Variants in NME7 observed in about 807,000 individuals in gnomAD.
NME7 encodes the protein nucleoside diphosphate kinase 7.
Under a neutral mutation model 49.1 loss-of-function variants are expected in NME7, and 41 were observed. The ratio of observed to expected loss-of-function variants is 0.83; its 90% CI spans 0.65 to 1.08. The LOEUF is 1.08. NME7 is among the 50% of genes least tolerant of loss of function. The probability of loss-of-function intolerance (pLI) is 0.00; values close to 1 mark genes in which losing one functional copy is unlikely to be tolerated. For missense variants in NME7, 423 were observed against 463.4 expected (o/e 0.91, Z 0.80); for synonymous variants, 139 against 150.6 (o/e 0.92, Z 0.56).
intron 7 of NME7, among the ~76,000 whole-genome samples, chr1:169,244,044 T>C (rs557911560): frequency 6.6e-6 from 1 of 152,242 alleles, no homozygotes; most frequent in Admixed American, 6.5e-5. Flanking sequence ...TTTATGTATA[T>C]GCAAAAATAT....
chr1:169,251,541 T>G (rs1322632793), intron 7 of NME7, among the ~76,000 whole-genome samples: 1 of 134,778 alleles, frequency 7.4e-6, no homozygotes, highest in Non-Finnish European at 1.6e-5. Flanking sequence ...CTAGATACTC[T>G]GGTTTCTTTT....
At chr1:169,237,739 G>A (rs1571315555) in intron 7 of NME7, 52 bp from the exon 8 acceptor site, 1 of 1,470,308 alleles carries the variant, frequency 6.8e-7, no homozygotes, top group East Asian at 2.4e-5. Context: ...AGACATTTTA[G>A]TTTCTTAGAA....
intron 10 of NME7, among the ~76,000 whole-genome samples, chr1:169,190,185 T>C (rs1358210396): frequency 2.6e-5 from 4 of 151,970 alleles, no homozygotes; most frequent in African/African-American, 9.7e-5. Flanking sequence ...TGCAACATCC[T>C]CTTATATAAA....
intron 1 of NME7, among the ~76,000 whole-genome samples, chr1:169,332,084 A>G (rs546268476): frequency 2.6e-4 from 39 of 152,320 alleles, no homozygotes; most frequent in Non-Finnish European, 5.6e-4. Flanking sequence ...ACAGAGCTAT[A>G]GTAACCCAAA....
In NME7 at chr1:169,132,730, G is replaced by GTGAT; in HGVS notation, c.*51_*54dup. 4 of 1,509,678 alleles carry GTGAT rather than the reference G, an allele frequency of 2.6e-6. No homozygotes were observed. Among genetic ancestry groups the GTGAT allele is most frequent in the Middle Eastern group, 3.4e-4 (2 of 5,852 alleles). The allele number at this position is 1,509,678 out of a possible 1,614,324, so 93.5% of individuals were successfully genotyped here. The stretch of plus-strand genomic sequence containing the variant: ...AAAAGAATGAACACATTCCTCGTGT[G>GTGAT]TGATTCACTCTTGTCTAAATGTCCC... On this transcript the variant is annotated 3_prime_UTR_variant, in exon 12 of 12. Coordinates refer to ENST00000367811, the MANE Select transcript of NME7 (RefSeq NM_013330.5).
At chr1:169,287,231 T>C (rs748292354) in intron 7 of NME7, 72 bp downstream of exon 7, 1 of 1,223,846 alleles carries the variant, frequency 8.2e-7, no homozygotes, top group African/African-American at 1.5e-5. Flanking sequence ...TTTCTATACA[T>C]AAAGTACATC....
intron 5 of NME7, among the ~76,000 whole-genome samples, chr1:169,300,664 G>A (rs1650901534): frequency 6.6e-6 from 1 of 151,872 alleles, no homozygotes; most frequent in East Asian, 1.9e-4. Context: ...ATGTATACAA[G>A]ACTACCAAAA....
intron 5 of NME7, 25 bp downstream of exon 5, chr1:169,303,120 A>T: frequency 6.7e-7 from 1 of 1,495,472 alleles, no homozygotes; most frequent in Non-Finnish European, 9.2e-7. Context: ...TTTACATACC[A>T]CTAATCCCCA....
rs540603129 is a variant in NME7 at position 169,190,506 on chromosome 1, T to C, written c.991-20952A>G. 182 of 274,766 alleles carry C rather than the reference T, an allele frequency of 6.6e-4. 1 individual carries two copies. The highest frequency in any genetic ancestry group is 3.1e-3 in the East Asian group (24 of 7,814). The allele number at this position is 274,766 out of a possible 1,614,324, so 17.0% of individuals were successfully genotyped here. A position where few individuals can be genotyped will look rare whatever the true frequency, so the allele number is the denominator to read the frequency against. ...TTTAGTCTATTAGGTCTTGACTCTTTTCCATAATTTTTCTTCTTTTTTTTT... is the reference window on the plus strand; with the variant it reads ...TTTAGTCTATTAGGTCTTGACTCTTCTCCATAATTTTTCTTCTTTTTTTTT... On this transcript the variant is annotated intron_variant, in intron 10 of 11. Coordinates refer to ENST00000367811, the MANE Select transcript of NME7 (RefSeq NM_013330.5).
chr1:169,346,821 TGCTA>T (rs934423727), intron 1 of NME7, among the ~76,000 whole-genome samples: 11 of 152,332 alleles, frequency 7.2e-5, no homozygotes, highest in Middle Eastern at 6.8e-3. Flanking sequence ...AGCAGAACTC[TGCTA>T]GCTATCATCA....
intron 11 of NME7, among the ~76,000 whole-genome samples, chr1:169,142,717 T>C (rs1658632601): frequency 6.6e-6 from 1 of 152,166 alleles, no homozygotes; most frequent in African/African-American, 2.4e-5. Context: ...GGATTAGAAT[T>C]TGATTTCCTC....
chr1:169,278,928 T>C (rs1649872853), intron 7 of NME7, among the ~76,000 whole-genome samples: 1 of 152,200 alleles, frequency 6.6e-6, no homozygotes, highest in African/African-American at 2.4e-5. Context: ...TGCAGGTCTG[T>C]TGGAGTTTGC....
At chr1:169,317,187 G>T (rs35271076) in intron 3 of NME7, among the ~76,000 whole-genome samples, 36,670 of 151,920 alleles carry the variant, frequency 0.24, 5,456 homozygotes, top group Non-Finnish European at 0.34. Flanking sequence ...GTATAAAAGA[G>T]ATGGCAAAAA....
At chr1:169,240,266 T>C (rs12059281) in intron 7 of NME7, among the ~76,000 whole-genome samples, 57,139 of 151,520 alleles carry the variant, frequency 0.38, 11,478 homozygotes, top group East Asian at 0.79. Flanking sequence ...AGCCAAAAGG[T>C]CAGGAAGAGA....
intron 8 of NME7, among the ~76,000 whole-genome samples, chr1:169,236,955 T>G (rs538511296): frequency 1.3e-5 from 2 of 152,256 alleles, no homozygotes; most frequent in South Asian, 4.1e-4. Context: ...ATTGTTTATC[T>G]GATTTATATA....
At chr1:169,172,486 T>TCATC (rs1181936825) in intron 10 of NME7, among the ~76,000 whole-genome samples, 26 of 152,162 alleles carry the variant, frequency 1.7e-4, no homozygotes, top group African/African-American at 6.3e-4. Context: ...GATGGGCACA[T>TCATC]ATGGTCTTCT....
intron 11 of NME7, among the ~76,000 whole-genome samples, chr1:169,158,671 G>A (rs377032246): frequency 5.3e-5 from 8 of 152,216 alleles, no homozygotes; most frequent in Admixed American, 1.3e-4. Context: ...GCACTAGGAC[G>A]GTAGTTCTCA....
At chr1:169,345,842 T>G (rs977353595) in intron 1 of NME7, among the ~76,000 whole-genome samples, 2 of 152,166 alleles carry the variant, frequency 1.3e-5, no homozygotes, top group African/African-American at 4.8e-5. Flanking sequence ...AAGCCCCAAG[T>G]TGAAATCCTG....
intron 3 of NME7, among the ~76,000 whole-genome samples, chr1:169,313,445 T>C (rs918691675): frequency 3.9e-5 from 6 of 152,138 alleles, no homozygotes. Flanking sequence ...TCACATCATC[T>C]AAGCAGTCTC....
Sources: allele counts gnomAD v4.1 joint callset (sites outside exome capture counted in the v4.1 genomes callset), GRCh38; gene constraint gnomAD v4.1.1; transcripts MANE v1.5; gene names NCBI Gene and HGNC (gene_info 2026-07-23, HGNC 2026-07-21).